Variants in PCDHA5 observed in about 807,000 individuals in gnomAD.
The protein encoded by PCDHA5 is protocadherin alpha 5.
A neutral mutation model predicts 61.6 loss-of-function variants in PCDHA5; 43 were observed. That is an observed-to-expected ratio of 0.70 (90% CI 0.55 to 0.90). The LOEUF is 0.90. Ranked by LOEUF, PCDHA5 falls within the 40% of genes least tolerant of loss-of-function variation. PCDHA5 has a pLI of 0.00. For synonymous variants in PCDHA5, 627 were observed against 543.9 expected, an observed-to-expected ratio of 1.15 and a Z score of -2.13; for missense variants, 1,298 against 1,222.7, an observed-to-expected ratio of 1.06 and a Z score of -0.92.
chr5:140,856,424 AACG>A, intron 1 of PCDHA5: 1 of 1,598,418 alleles, frequency 6.3e-7, no homozygotes, highest in Non-Finnish European at 8.6e-7. Context: ...GAAGGACATT[AACG>A]ACAACCCGCC....
chr5:140,875,505 C>T, intron 1 of PCDHA5: 6 of 1,613,560 alleles, frequency 3.7e-6, no homozygotes, highest in Non-Finnish European at 5.1e-6. Context: ...GCCCGGGATC[C>T]CAGCGTCTGC....
intron 1 of PCDHA5, among the ~76,000 whole-genome samples, chr5:140,961,629 A>G (rs970820292): frequency 6.6e-6 from 1 of 152,162 alleles, no homozygotes; most frequent in Non-Finnish European, 1.5e-5. Flanking sequence ...CATATGAAAA[A>G]CAATCTTAAG....
intron 3 of PCDHA5, among the ~76,000 whole-genome samples, chr5:141,006,730 C>A (rs1222445312): frequency 1.3e-5 from 2 of 151,754 alleles, no homozygotes; most frequent in African/African-American, 4.8e-5. Context: ...AATGACAGGT[C>A]TTGATGATGT....
intron 1 of PCDHA5, chr5:140,876,882 G>C: frequency 1.2e-6 from 2 of 1,614,140 alleles, no homozygotes; most frequent in Non-Finnish European, 1.7e-6. Context: ...ACAACCCGCC[G>C]GGCTGCCACA....
At chr5:140,923,264 C>T (rs2081280629) in intron 1 of PCDHA5, among the ~76,000 whole-genome samples, 1 of 152,170 alleles carries the variant, frequency 6.6e-6, no homozygotes, top group Admixed American at 6.5e-5. Flanking sequence ...CATAGTGAGA[C>T]CTTGTCTCTA....
chr5:140,839,939 G>T (rs1015505565), intron 1 of PCDHA5, among the ~76,000 whole-genome samples: 3 of 151,962 alleles, frequency 2.0e-5, no homozygotes, highest in Non-Finnish European at 4.4e-5. Context: ...AGTGTGCCAA[G>T]AAGGAGACAA....
At chr5:140,888,173 T>A (rs1231331780) in intron 1 of PCDHA5, among the ~76,000 whole-genome samples, 1 of 152,224 alleles carries the variant, frequency 6.6e-6, no homozygotes, top group African/African-American at 2.4e-5. Context: ...AATAAGATGC[T>A]AGACATTGTG....
intron 1 of PCDHA5, among the ~76,000 whole-genome samples, chr5:140,972,657 CA>C (rs1342092810): frequency 2.8e-5 from 4 of 143,798 alleles, no homozygotes; most frequent in South Asian, 4.5e-4. Context: ...AAAAAGAAAC[CA>C]AATTTTTTTT....
chr5:140,907,433 G>A (rs1006736760), intron 1 of PCDHA5, among the ~76,000 whole-genome samples: 5 of 152,246 alleles, frequency 3.3e-5, no homozygotes, highest in Admixed American at 1.3e-4. Context: ...GGCATTCTGT[G>A]AGTCCACAGA....
rs115221257 is a variant in PCDHA5 at position 140,951,407 on chromosome 5, A to G, written c.2353-27542A>G. On this transcript the variant is annotated intron_variant, in intron 1 of 3. Transcript: ENST00000529859. ...GGTAATTTATAAAGAAAAGAGGTTTAATTGGCTCACAGTTCCACAGGCTGT... is the reference window on the plus strand; with the variant it reads ...GGTAATTTATAAAGAAAAGAGGTTTGATTGGCTCACAGTTCCACAGGCTGT... Among the ~76,000 whole-genome samples the G allele has an allele frequency of 4.7e-3, 715 of 152,182 alleles. 3 individuals are homozygous for G. Among genetic ancestry groups the G allele is most frequent in the African/African-American group, 0.015 (625 of 41,530 alleles).
At chr5:140,984,824 C>A (rs920985683) in intron 3 of PCDHA5, among the ~76,000 whole-genome samples, 1 of 152,098 alleles carries the variant, frequency 6.6e-6, no homozygotes, top group Non-Finnish European at 1.5e-5. Context: ...TCTTAATTAC[C>A]CTTTCTGTAA....
intron 1 of PCDHA5, among the ~76,000 whole-genome samples, chr5:140,952,656 T>A (rs1554220534): frequency 6.6e-6 from 1 of 152,188 alleles, no homozygotes; most frequent in Admixed American, 6.5e-5. Flanking sequence ...GTTACCCAGT[T>A]CCAAAGTCAC....
At chr5:140,909,215 AC>A (rs1554193695) in intron 1 of PCDHA5, among the ~76,000 whole-genome samples, 1 of 152,160 alleles carries the variant, frequency 6.6e-6, no homozygotes, top group African/African-American at 2.4e-5. Flanking sequence ...GAGTTGATAT[AC>A]CCCTGAGGTA....
intron 1 of PCDHA5, chr5:140,848,580 G>T: frequency 6.3e-7 from 1 of 1,595,144 alleles, no homozygotes; most frequent in Non-Finnish European, 8.6e-7. Context: ...GGTGGGGAGC[G>T]GCCAGCTCCA....
chr5:140,861,559 A>G (rs2046978123), intron 1 of PCDHA5: 2 of 393,478 alleles, frequency 5.1e-6, no homozygotes, highest in Non-Finnish European at 5.3e-6. Context: ...GTGATCGTGG[A>G]CAAGCTGCTA....
chr5:140,856,648 T>G (rs2044130273), intron 1 of PCDHA5: 1 of 1,598,174 alleles, frequency 6.3e-7, no homozygotes, highest in African/African-American at 1.3e-5. Flanking sequence ...AGCTGCTGGA[T>G]CGTGAAGAAA....
At chr5:140,857,712 T>C (rs781941638) in intron 1 of PCDHA5, 3 of 1,597,298 alleles carry the variant, frequency 1.9e-6, no homozygotes, top group Admixed American at 1.7e-5. Context: ...GTGTTCGTGC[T>C]GGACGAGAAC....
At chr5:140,835,716 G>A in intron 1 of PCDHA5, 1 of 1,613,908 alleles carries the variant, frequency 6.2e-7, no homozygotes, top group Non-Finnish European at 8.5e-7. Flanking sequence ...GTCCGTGGAG[G>A]TGGCCGACGT....
At chr5:140,831,424 A>G (rs2150194380) in intron 1 of PCDHA5, among the ~76,000 whole-genome samples, 13 of 151,636 alleles carry the variant, frequency 8.6e-5, no homozygotes, top group Non-Finnish European at 1.6e-4. Flanking sequence ...CAGTGGTGCA[A>G]TAATGGCTCA....
Sources: gnomAD v4.1 joint callset for allele counts (sites outside exome capture counted in the v4.1 genomes callset) on GRCh38, gnomAD v4.1.1 for gene constraint, MANE v1.5 for transcripts, NCBI Gene and HGNC (gene_info 2026-07-23, HGNC 2026-07-21) for gene names.